The following ZMYM2 variants were observed in gnomAD, a reference collection of about 807,000 sequenced individuals.
ZMYM2 encodes zinc finger MYM-type containing 2, also known as zinc finger MYM-type protein 2.
ZMYM2 carries 56 observed loss-of-function variants against 162.8 expected under a neutral mutation model. That is an observed-to-expected ratio of 0.34 (90% CI 0.28 to 0.43). The LOEUF (loss-of-function observed/expected upper bound fraction) is 0.43, where lower values mean the gene tolerates loss of function less well. Among genes scored for constraint, ZMYM2 ranks in the 20% least tolerant of loss-of-function variants. The pLI, the probability that ZMYM2 is intolerant of heterozygous loss-of-function variation, is 1.00. For missense variants in ZMYM2, 1,275 were observed against 1,621.8 expected (o/e 0.79, Z 3.67); for synonymous variants, 510 against 541.6 (o/e 0.94, Z 0.81).
intron 2 of ZMYM2, among the ~76,000 whole-genome samples, chr13:19,985,145 A>G (rs1289997387): frequency 6.6e-6 from 1 of 152,150 alleles, no homozygotes; most frequent in Admixed American, 6.6e-5. Context: ...TGTTGTTGAG[A>G]CGGGGTTTCA....
the ZMYM2 span, among the ~76,000 whole-genome samples, chr13:19,876,702 C>T: frequency 6.6e-6 from 1 of 152,158 alleles, no homozygotes; most frequent in Non-Finnish European, 1.5e-5. Context: ...TTCGATGGTA[C>T]TAACTTCATT....
chr13:19,881,529 G>A, the ZMYM2 span, among the ~76,000 whole-genome samples: 22 of 151,892 alleles, frequency 1.4e-4, no homozygotes, highest in African/African-American at 5.3e-4. Context: ...GACTGAGGTG[G>A]CAGAATTCCT....
At chr13:19,963,025 GA>G (rs1167642134) in intron 2 of ZMYM2, among the ~76,000 whole-genome samples, 1 of 151,630 alleles carries the variant, frequency 6.6e-6, no homozygotes, top group African/African-American at 2.4e-5. Context: ...TTTTAGTAGA[GA>G]CAAGGTTTCA....
the ZMYM2 span, among the ~76,000 whole-genome samples, chr13:19,904,303 T>C: frequency 6.6e-6 from 1 of 152,122 alleles, no homozygotes; most frequent in Non-Finnish European, 1.5e-5. Flanking sequence ...ATGCCTGTAA[T>C]CCCAGCACTT....
At chr13:19,931,153 T>TAAAAA in the ZMYM2 span, among the ~76,000 whole-genome samples, 1 of 136,378 alleles carries the variant, frequency 7.3e-6, no homozygotes, top group African/African-American at 2.8e-5. Flanking sequence ...AAAAAAATAA[T>TAAAAA]AATAATAATA....
At chr13:19,910,637 C>A in the ZMYM2 span, among the ~76,000 whole-genome samples, 4 of 151,522 alleles carry the variant, frequency 2.6e-5, no homozygotes, top group Non-Finnish European at 4.4e-5. Flanking sequence ...ACCACCGTGC[C>A]CAGCCTAGGA....
the ZMYM2 span, among the ~76,000 whole-genome samples, chr13:19,893,208 C>T: frequency 1.0e-4 from 15 of 143,118 alleles, no homozygotes; most frequent in East Asian, 4.3e-4. Flanking sequence ...CGAGGTGGGC[C>T]GATCATGAGG....
At chr13:19,911,034 A>T in the ZMYM2 span, among the ~76,000 whole-genome samples, 1 of 145,332 alleles carries the variant, frequency 6.9e-6, no homozygotes. Flanking sequence ...CCCTTTAGTC[A>T]GTTCCCAGTC....
the ZMYM2 span, among the ~76,000 whole-genome samples, chr13:19,936,671 G>C: frequency 6.6e-6 from 1 of 152,044 alleles, no homozygotes; most frequent in South Asian, 2.1e-4. Flanking sequence ...GCAGTGAGCT[G>C]AGATCACACC....
chr13:19,999,219 T>C (rs1459789489), intron 3 of ZMYM2, among the ~76,000 whole-genome samples: 5 of 152,226 alleles, frequency 3.3e-5, no homozygotes, highest in South Asian at 2.1e-4. Context: ...TATAGTACTT[T>C]GTTTATTGCA....
rs563583187 is a variant in ZMYM2, at chr13:20,005,246, A to AT, written c.1299+15dup. 2.2e-5 allele frequency: 34 copies of AT among 1,511,470 alleles called. No individual in the cohort carries two copies. The highest frequency in any genetic ancestry group is 8.0e-5 in the Admixed American group (3 of 37,316). 93.6% of individuals were successfully genotyped at this position (1,511,470 alleles called of 1,614,324 possible). The stretch of plus-strand genomic sequence containing the variant: ...CTGTGGTAAACTAACTGAGGTTTGT[A>AT]TTTTTTTTCTTTATCATTTAATTCT... On this transcript the variant is annotated splice_region_variant and intron_variant, in intron 5 of 24. Coordinates refer to ENST00000610343, the MANE Select transcript of ZMYM2 (RefSeq NM_197968.4).
the ZMYM2 span, among the ~76,000 whole-genome samples, chr13:19,914,436 G>A: frequency 1.3e-5 from 2 of 152,186 alleles, no homozygotes; most frequent in Non-Finnish European, 2.9e-5. Context: ...ACTCTCCAAG[G>A]CTGACTTGGC....
At chr13:19,876,172 A>G in the ZMYM2 span, among the ~76,000 whole-genome samples, 1 of 151,820 alleles carries the variant, frequency 6.6e-6, no homozygotes, top group East Asian at 1.9e-4. Context: ...GATTACAGGC[A>G]CCCACCACCA....
chr13:20,042,057 G>GT (rs1954301848), intron 12 of ZMYM2, among the ~76,000 whole-genome samples: 1 of 152,070 alleles, frequency 6.6e-6, no homozygotes, highest in Non-Finnish European at 1.5e-5. Flanking sequence ...TTTTTATGAA[G>GT]TATCATACTG....
intron 9 of ZMYM2, among the ~76,000 whole-genome samples, chr13:20,030,442 A>G (rs1363258057): frequency 7.4e-6 from 1 of 134,520 alleles, no homozygotes; most frequent in East Asian, 2.2e-4. Flanking sequence ...TCTGTCGCCC[A>G]GGCTGGAGTG....
the ZMYM2 span, among the ~76,000 whole-genome samples, chr13:19,943,773 C>G: frequency 6.6e-6 from 1 of 152,114 alleles, no homozygotes; most frequent in Non-Finnish European, 1.5e-5. Flanking sequence ...TTGCCCCGTA[C>G]GCAGTTGGTA....
chr13:20,005,937 T>C (rs1490582010), intron 5 of ZMYM2, among the ~76,000 whole-genome samples: 1 of 152,190 alleles, frequency 6.6e-6, no homozygotes, highest in South Asian at 2.1e-4. Context: ...TTTAAATAAT[T>C]ATGAAAATGG....
intron 12 of ZMYM2, among the ~76,000 whole-genome samples, chr13:20,039,403 G>A (rs757741264): frequency 4.6e-5 from 7 of 151,748 alleles, no homozygotes; most frequent in Non-Finnish European, 7.4e-5. Context: ...TATGATGTTC[G>A]CTGTGTGTTT....
At chr13:20,022,005 TC>T (rs1398625387) in intron 7 of ZMYM2, among the ~76,000 whole-genome samples, 3 of 152,210 alleles carry the variant, frequency 2.0e-5, no homozygotes, top group Admixed American at 1.3e-4. Context: ...AACCTCCCCT[TC>T]CCCCAGCTAC....
Sources: allele counts gnomAD v4.1 joint callset (sites outside exome capture counted in the v4.1 genomes callset), GRCh38; gene constraint gnomAD v4.1.1; transcripts MANE v1.5; gene names NCBI Gene and HGNC (gene_info 2026-07-23, HGNC 2026-07-21).